Variants in L1TD1 observed in about 807,000 individuals in gnomAD.
L1TD1 encodes the protein LINE-1 type transposase domain-containing protein 1.
A neutral mutation model predicts 25.7 loss-of-function variants in L1TD1; 26 were observed. The observed-to-expected ratio is 1.01, with a 90% CI of 0.74 to 1.40. The LOEUF (loss-of-function observed/expected upper bound fraction) is 1.40. Among genes scored for constraint, L1TD1 ranks in the 40% most tolerant of loss-of-function variants. The pLI, the probability that L1TD1 is intolerant of heterozygous loss-of-function variation, is 0.00. For synonymous variants in L1TD1, 421 were observed against 335.6 expected, an observed-to-expected ratio of 1.25 and a Z score of -2.78; for missense variants, 1,130 against 975.0, an observed-to-expected ratio of 1.16 and a Z score of -2.12.
intron 2 of L1TD1, among the ~76,000 whole-genome samples, chr1:62,203,422 C>G (rs916330652): frequency 2.0e-5 from 3 of 152,020 alleles, no homozygotes; most frequent in Non-Finnish European, 4.4e-5. Flanking sequence ...AACTATCATT[C>G]TACTCTCTTT....
In L1TD1 at chr1:62,210,909, G is replaced by A. The variant is rs771259457; in HGVS notation, c.2135G>A (p.Ser712Asn). The A allele has an allele frequency of 1.8e-4, 279 of 1,551,288 alleles. 2 individuals carry two copies. The highest frequency in any genetic ancestry group is 5.0e-5 in the Non-Finnish European group (57 of 1,146,946). ...TTGATAGGAATTCCAGAAAAGGAGAGTTATGAGAATAGGGCAGAGGACATA... is the reference window on the plus strand; with the variant it reads ...TTGATAGGAATTCCAGAAAAGGAGAATTATGAGAATAGGGCAGAGGACATA... The part of the protein sequence containing the change: ...IRLIGIPEKE[S>N]YENRAEDIIK... Residue 712 changes from serine to asparagine, a missense_variant, in exon 4 of 4, where the codon AGT becomes AAT. Ser to Asn is a conservative substitution (Grantham distance 46). Coordinates refer to ENST00000498273, the MANE Select transcript of L1TD1 (RefSeq NM_019079.5).
rs914763783 is a variant in L1TD1 at position 62,200,414 on chromosome 1, G to T, written c.-111+3886G>T. 2.6e-5 allele frequency among the ~76,000 whole-genome samples: 4 copies of T among 152,100 alleles called. No homozygotes were observed. The East Asian group carries it at 5.8e-4, about 22-fold the overall frequency. ...TTGAACACCTGACCTCAGATGATCC[G>T]CCTGCCTTGGCCTTCCAAAGTGCAG... On this transcript the variant is annotated intron_variant, in intron 2 of 3. Transcript: ENST00000498273.
chr1:62,208,481 C>CTTTTTTTTTTTT (rs60188410), intron 3 of L1TD1: 6 of 126,994 alleles, frequency 4.7e-5, no homozygotes, highest in African/African-American at 1.9e-4. Flanking sequence ...CTGGAAGGGG[C>CTTTTTTTTTTTT]TTTTTTTTTT....
At chr1:62,197,405 A>ATATATATATATG (rs1553121894) in intron 2 of L1TD1, among the ~76,000 whole-genome samples, 1 of 13,576 alleles carries the variant, frequency 7.4e-5, no homozygotes, top group Non-Finnish European at 1.7e-4. Context: ...AATTATATAT[A>ATATATATATATG]TATATATATA....
At chr1:62,198,372 C>T (rs1158425301) in intron 2 of L1TD1, among the ~76,000 whole-genome samples, 2 of 151,090 alleles carry the variant, frequency 1.3e-5, no homozygotes, top group East Asian at 1.9e-4. Context: ...GTGAGAGATA[C>T]CACACCAAAC....
Position 62,211,214 on chromosome 1 carries a change from C to T in L1TD1, c.2440C>T (p.Leu814=), listed in dbSNP as rs1337052193. The T allele has an allele frequency of 1.3e-6, 2 of 1,556,848 alleles. No individual in the cohort carries two copies. Among genetic ancestry groups the T allele is most frequent in the East Asian group, 2.4e-5 (1 of 41,366 alleles). The change falls in exon 4 of 4, where the codon CTG becomes TTG. Residue 814 remains leucine, a synonymous_variant. Coordinates refer to ENST00000498273, the MANE Select transcript of L1TD1 (RefSeq NM_019079.5). ...RSKWSNVFKV[L]LEKGFNPRIL... is the part of the protein sequence containing the mutation. Reference sequence around the variant, plus strand: ...TAAATGGAGCAATGTCTTCAAAGTTCTGCTGGAAAAAGGCTTTAATCCTAG... The same window carrying T: ...TAAATGGAGCAATGTCTTCAAAGTTTTGCTGGAAAAAGGCTTTAATCCTAG...
chr1:62,210,424 TCTGA>T lies in L1TD1; in HGVS notation c.1652_1655del (p.Leu551ProfsTer11). ...CAAGTCAAGGAACTGGCACACCCTG[TCTGA>T]CCTTATGTTTGGCCTCTCCCTCAAA... On this transcript the variant is annotated frameshift_variant, in exon 4 of 4. Transcript: ENST00000498273. LOFTEE classifies it low-confidence loss of function (END_TRUNC). The T allele has an allele frequency of 6.2e-7, 1 of 1,614,116 alleles. No individual in the cohort carries two copies. The highest frequency in any genetic ancestry group is 8.5e-7 in the Non-Finnish European group (1 of 1,180,022).
chr1:62,196,087 G>T (rs1670533741), intron 1 of L1TD1, among the ~76,000 whole-genome samples: 1 of 152,078 alleles, frequency 6.6e-6, no homozygotes, highest in Non-Finnish European at 1.5e-5. Context: ...TGATTTGGAA[G>T]TAATAACTTT....
At chr1:62,201,460 C>T (rs1339796299) in intron 2 of L1TD1, among the ~76,000 whole-genome samples, 1 of 146,064 alleles carries the variant, frequency 6.8e-6, no homozygotes, top group Non-Finnish European at 1.5e-5. Context: ...GGTGCCACTG[C>T]ACTCCAACCT....
In L1TD1 at chr1:62,210,146, G is replaced by A; in HGVS notation, c.1372G>A (p.Val458Ile). ...GHTLVDAKHEVEITSDGMETT... is the reference protein window; with the variant it reads ...GHTLVDAKHEIEITSDGMETT... The stretch of plus-strand genomic sequence containing the variant: ...TACTTTGGTAGATGCAAAGCATGAA[G>A]TTGAGATAACCAGTGATGGCATGGA... Residue 458 changes from valine (V) to isoleucine (I), a missense_variant, in exon 4 of 4, where the codon GTT (valine) becomes ATT (isoleucine). Transcript: ENST00000498273. 1 of 1,614,158 alleles carries A rather than the reference G, an allele frequency of 6.2e-7. No homozygotes were observed. The highest frequency in any genetic ancestry group is 1.3e-5 in the African/African-American group (1 of 75,062).
At chr1:62,203,401 C>A (rs1670678923) in intron 2 of L1TD1, among the ~76,000 whole-genome samples, 1 of 152,082 alleles carries the variant, frequency 6.6e-6, no homozygotes, top group African/African-American at 2.4e-5. Context: ...CTACCCTTCC[C>A]AGGCTCTGGT....
At chr1:62,198,515 G>A (rs377349800) in intron 2 of L1TD1, among the ~76,000 whole-genome samples, 3 of 145,688 alleles carry the variant, frequency 2.1e-5, no homozygotes, top group East Asian at 4.0e-4. Flanking sequence ...CACACACACC[G>A]ACCCCCCGCC....
intron 3 of L1TD1, 83 bp downstream of exon 3, chr1:62,207,719 T>C (rs1326868941): frequency 7.1e-7 from 1 of 1,416,470 alleles, no homozygotes; most frequent in Non-Finnish European, 9.3e-7. Context: ...TAAATCAATT[T>C]TTTTTTTCTT....
chr1:62,206,745 G>C lies in L1TD1; in HGVS notation c.117G>C (p.Pro39=). 1.3e-6 allele frequency: 2 copies of C among 1,552,294 alleles called. No individual in the cohort carries two copies. The highest frequency in any genetic ancestry group is 1.7e-6 in the Non-Finnish European group (2 of 1,147,248). The change falls in exon 3 of 4, where the codon CCG becomes CCC. Residue 39 remains proline (P), a synonymous_variant. Coordinates refer to ENST00000498273, the MANE Select transcript of L1TD1 (RefSeq NM_019079.5). ...CAGAAACTGATAAGGACATAGCTCC[G>C]GTATTAGATTTAAAATGCAAGGACG... ...QLTETDKDIA[P]VLDLKCKDVS...
At chr1:62,209,656 A>C in intron 3 of L1TD1, 127 bp from the exon 4 acceptor site, 1 of 835,062 alleles carries the variant, frequency 1.2e-6, no homozygotes, top group Non-Finnish European at 1.8e-6. Flanking sequence ...ATATTTAAGC[A>C]CTTTTTCAGA....
At chr1:62,201,248 C>T (rs924097752) in intron 2 of L1TD1, among the ~76,000 whole-genome samples, 2 of 151,896 alleles carry the variant, frequency 1.3e-5, no homozygotes, top group Admixed American at 6.6e-5. Context: ...TTTATTGTAG[C>T]GTTTATTGGA....
rs374426170 is a variant in L1TD1 at position 62,200,465 on chromosome 1, C to T, written c.-111+3937C>T. Among the ~76,000 whole-genome samples the T allele has an allele frequency of 1.2e-4, 19 of 152,216 alleles. 1 individual carries two copies. In the East Asian group the frequency reaches 3.5e-3, roughly 28 times the overall value. On this transcript the variant is annotated intron_variant, in intron 2 of 3. Coordinates refer to ENST00000498273, the MANE Select transcript of L1TD1 (RefSeq NM_019079.5). ...GAATTACAGGCGTGAGCCACTGTGC[C>T]TGGCCATAATGTATATTATAATGTA... is the stretch of plus-strand genomic sequence containing the variant.
chr1:62,211,455 T>A lies in L1TD1; in HGVS notation c.*83T>A, dbSNP rs1227947655. ...AACAAGTAAAACGAAAATACACTTC[T>A]ACCCAGAAGGATGGACAGCTAATAG... On this transcript the variant is annotated 3_prime_UTR_variant, in exon 4 of 4. Transcript: ENST00000498273. 1.3e-6 allele frequency: 2 copies of A among 1,510,326 alleles called. No individual in the cohort carries two copies. The highest frequency in any genetic ancestry group is 2.3e-5 in the Admixed American group (1 of 43,590). 93.6% of individuals were successfully genotyped at this position (1,510,326 alleles called of 1,614,324 possible).
intron 2 of L1TD1, among the ~76,000 whole-genome samples, chr1:62,205,862 G>C (rs1488808593): frequency 6.6e-6 from 1 of 152,032 alleles, no homozygotes; most frequent in African/African-American, 2.4e-5. Context: ...CTCCCAAGTA[G>C]CTGGGACCAC....
Sources: gnomAD v4.1 joint callset for allele counts (sites outside exome capture counted in the v4.1 genomes callset) on GRCh38, gnomAD v4.1.1 for gene constraint, MANE v1.5 for transcripts, NCBI Gene and HGNC (gene_info 2026-07-23, HGNC 2026-07-21) for gene names.